The following PCDHAC2 variants were observed in gnomAD, a reference collection of about 807,000 sequenced individuals.
PCDHAC2 encodes the protein protocadherin alpha subfamily C, 2.
In PCDHAC2, 24 loss-of-function variants were observed where a neutral mutation model predicts 63.3. The observed-to-expected ratio is 0.38, with a 90% CI of 0.27 to 0.53. The LOEUF is 0.53. Ranked by LOEUF, PCDHAC2 falls within the 20% of genes least tolerant of loss-of-function variation. The pLI is 0.81. For synonymous variants in PCDHAC2, 569 were observed against 529.4 expected (o/e 1.07, Z -1.03); for missense variants, 1,181 against 1,275.2 (o/e 0.93, Z 1.12).
Position 140,968,796 on chromosome 5 carries a change from C to G in PCDHAC2, c.2030C>G (p.Thr677Arg), listed in dbSNP as rs2096270881. 1 of 1,614,220 alleles carries G rather than the reference C, an allele frequency of 6.2e-7. No individual in the cohort carries two copies. The highest frequency in any genetic ancestry group is 2.2e-5 in the East Asian group (1 of 44,876). The change falls in exon 1 of 4, where the codon ACA becomes AGA. Residue 677 changes from threonine (T) to arginine (R), a missense_variant. Around this residue, in one of 3 missense-constraint regions of PCDHAC2, gnomAD observed 968 missense variants for 1,073.5 expected, o/e 0.90. Coordinates refer to ENST00000289269, the MANE Select transcript of PCDHAC2 (RefSeq NM_018899.6). ...TCACTATCAGCCTCTGTGGCCATTACAGTAGCTGTGGTGGATAGGGTTTCC... is the reference window on the plus strand; with the variant it reads ...TCACTATCAGCCTCTGTGGCCATTAGAGTAGCTGTGGTGGATAGGGTTTCC... ...EPSLSASVAITVAVVDRVSKI... is the reference protein window; with the variant it reads ...EPSLSASVAIRVAVVDRVSKI...
rs1554228593 is a variant in PCDHAC2 at position 140,966,728 on chromosome 5, TCCG to T, written c.-38_-36del. On this transcript the variant is annotated 5_prime_UTR_variant, in exon 1 of 4. Transcript: ENST00000289269. ...GGGCACGGCTGGGGAAGCTGCCGCC[TCCG>T]GCCCTGCCCGGCTGCCTCCGCCGCG... 4 of 1,404,870 alleles carry T rather than the reference TCCG, an allele frequency of 2.8e-6. No individual in the cohort carries two copies. Among genetic ancestry groups the T allele is most frequent in the Non-Finnish European group, 3.7e-6 (4 of 1,086,562 alleles). 87.0% of individuals were successfully genotyped at this position (1,404,870 alleles called of 1,614,324 possible). A position where few individuals can be genotyped will look rare whatever the true frequency, so the allele number is the denominator to read the frequency against.
rs77940063 is a variant in PCDHAC2, at chr5:140,966,638, T to G, written c.-129T>G. Reference sequence around the variant, plus strand: ...ACGGAGGGAGCGGCCCCAGGCGCTTTCTAGAGCGTGAGCGGTGGGGGAGCA... The same window carrying G: ...ACGGAGGGAGCGGCCCCAGGCGCTTGCTAGAGCGTGAGCGGTGGGGGAGCA... On this transcript the variant is annotated 5_prime_UTR_variant, in exon 1 of 4. Transcript: ENST00000289269. The G allele has an allele frequency of 3.9e-3, 4,251 of 1,090,104 alleles. 104 individuals carry two copies. The African/African-American group carries it at 0.057, about 15-fold the overall frequency. 67.5% of individuals were successfully genotyped at this position (1,090,104 alleles called of 1,614,324 possible).
intron 3 of PCDHAC2, among the ~76,000 whole-genome samples, chr5:140,996,747 T>C (rs940274322): frequency 1.3e-5 from 2 of 152,190 alleles, no homozygotes; most frequent in Non-Finnish European, 2.9e-5. Flanking sequence ...TAACAAATTA[T>C]ATCTGTGCAG....
intron 3 of PCDHAC2, among the ~76,000 whole-genome samples, chr5:140,999,867 C>A (rs1269782566): frequency 1.3e-5 from 2 of 152,190 alleles, no homozygotes; most frequent in African/African-American, 4.8e-5. Context: ...TCCAAGATTA[C>A]TGAAAATTAG....
chr5:140,982,324 C>G, intron 2 of PCDHAC2, 151 bp from the exon 3 acceptor site: 2 of 1,393,878 alleles, frequency 1.4e-6, no homozygotes, highest in East Asian at 5.1e-5. Context: ...TGCAGGGTGA[C>G]TGCTCAGCAG....
In PCDHAC2 at chr5:140,987,224, A is replaced by AAT. The variant is rs1554248891; in HGVS notation, c.2713+4662_2713+4663insTA. Among the ~76,000 whole-genome samples, 91 of 152,046 alleles carry AAT rather than the reference A, an allele frequency of 6.0e-4. 1 individual carries two copies. Among genetic ancestry groups the AAT allele is most frequent in the African/African-American group, 2.0e-3 (84 of 41,424 alleles). ...GTGAGACTCCATCTCAAAAAAAAAA[A>AAT]AAATAATAAATAAAGAAAGAAAGAC... On this transcript the variant is annotated intron_variant, in intron 3 of 3. Coordinates refer to ENST00000289269, the MANE Select transcript of PCDHAC2 (RefSeq NM_018899.6).
In PCDHAC2 at chr5:140,966,714, G is replaced by C; in HGVS notation, c.-53G>C. The C allele has an allele frequency of 7.2e-7, 1 of 1,394,064 alleles. No individual in the cohort carries two copies. Among genetic ancestry groups the C allele is most frequent in the South Asian group, 1.6e-5 (1 of 61,530 alleles). The allele number at this position is 1,394,064 out of a possible 1,614,324, so 86.4% of individuals were successfully genotyped here. A position where few individuals can be genotyped will look rare whatever the true frequency, so the allele number is the denominator to read the frequency against. On this transcript the variant is annotated 5_prime_UTR_variant, in exon 1 of 4. Coordinates refer to ENST00000289269, the MANE Select transcript of PCDHAC2 (RefSeq NM_018899.6). ...GGGGCCCGGGCGTGGGGCACGGCTG[G>C]GGAAGCTGCCGCCTCCGGCCCTGCC...
intron 1 of PCDHAC2, among the ~76,000 whole-genome samples, chr5:140,971,488 A>AG (rs1338536132): frequency 1.3e-5 from 2 of 152,222 alleles, no homozygotes; most frequent in African/African-American, 4.8e-5. Flanking sequence ...ACATTGTTAC[A>AG]GTGTGGCAAG....
chr5:140,992,382 G>A (rs1275662967), intron 3 of PCDHAC2, among the ~76,000 whole-genome samples: 3 of 152,140 alleles, frequency 2.0e-5, no homozygotes, highest in Non-Finnish European at 4.4e-5. Flanking sequence ...ACATTATTGT[G>A]TTCTGGACTT....
chr5:140,981,260 T>C (rs975813904), intron 2 of PCDHAC2, among the ~76,000 whole-genome samples: 11 of 152,324 alleles, frequency 7.2e-5, no homozygotes, highest in African/African-American at 2.4e-4. Flanking sequence ...ACTTTCAAGA[T>C]AAGCAAATGT....
At chr5:140,992,332 A>G (rs1554252819) in intron 3 of PCDHAC2, among the ~76,000 whole-genome samples, 1 of 152,202 alleles carries the variant, frequency 6.6e-6, no homozygotes, top group African/African-American at 2.4e-5. Context: ...TCTAAGAGCA[A>G]AGATGGAAAT....
Position 140,967,056 on chromosome 5 carries a change from G to A in PCDHAC2, c.290G>A (p.Gly97Glu). ...TACCTGGAGCTGGACCTGACGAGTG[G>A]AGCGCTCTTCGTCAACGAGCGCATT... ...PRYLELDLTSGALFVNERIDR... is the reference protein window; with the variant it reads ...PRYLELDLTSEALFVNERIDR... The change falls in exon 1 of 4, where the codon GGA becomes GAA. Residue 97 changes from glycine to glutamate, a missense_variant. Coordinates refer to ENST00000289269, the MANE Select transcript of PCDHAC2 (RefSeq NM_018899.6). 1 of 1,612,712 alleles carries A rather than the reference G, an allele frequency of 6.2e-7. No individual in the cohort carries two copies. Among genetic ancestry groups the A allele is most frequent in the Non-Finnish European group, 8.5e-7 (1 of 1,179,686 alleles).
At chr5:140,993,103 G>A (rs2097540365) in intron 3 of PCDHAC2, among the ~76,000 whole-genome samples, 1 of 152,218 alleles carries the variant, frequency 6.6e-6, no homozygotes, top group East Asian at 1.9e-4. Context: ...TTTATTCAGC[G>A]GTCAGTGTCA....
intron 3 of PCDHAC2, among the ~76,000 whole-genome samples, chr5:140,991,068 T>A (rs1563570560): frequency 6.6e-6 from 1 of 152,216 alleles, no homozygotes; most frequent in Admixed American, 6.5e-5. Flanking sequence ...ATTATTCCCA[T>A]GTTTCAGATA....
Position 140,968,770 on chromosome 5 carries a change from A to G in PCDHAC2, c.2004A>G (p.Pro668=). Reference sequence around the variant, plus strand: ...TGGTGGTCCGAGATAATGGAGAGCCATCACTATCAGCCTCTGTGGCCATTA... The same window carrying G: ...TGGTGGTCCGAGATAATGGAGAGCCGTCACTATCAGCCTCTGTGGCCATTA... ...LTVVVRDNGE[P]SLSASVAITV... is the part of the protein sequence containing the mutation. Residue 668 remains proline (P), a synonymous_variant, in exon 1 of 4, where the codon CCA becomes CCG. Coordinates refer to ENST00000289269, the MANE Select transcript of PCDHAC2 (RefSeq NM_018899.6). 1.2e-6 allele frequency: 2 copies of G among 1,614,216 alleles called. No homozygotes were observed. The highest frequency in any genetic ancestry group is 1.7e-6 in the Non-Finnish European group (2 of 1,180,046).
intron 3 of PCDHAC2, among the ~76,000 whole-genome samples, chr5:140,992,504 C>T (rs2097516189): frequency 6.6e-6 from 1 of 152,174 alleles, no homozygotes; most frequent in African/African-American, 2.4e-5. Context: ...GGATTCAATC[C>T]TGGGGCATGG....
At chr5:141,002,232 A>G (rs2098067070) in intron 3 of PCDHAC2, among the ~76,000 whole-genome samples, 2 of 152,226 alleles carry the variant, frequency 1.3e-5, no homozygotes, top group African/African-American at 4.8e-5. Flanking sequence ...GTTTTCTGGA[A>G]GCTCTTTATT....
intron 3 of PCDHAC2, among the ~76,000 whole-genome samples, chr5:140,991,118 A>T (rs2153893669): frequency 6.6e-6 from 1 of 152,340 alleles, no homozygotes; most frequent in South Asian, 2.1e-4. Context: ...GCTTTCTTAC[A>T]TTCACACAGC....
In PCDHAC2 at chr5:140,968,374, C is replaced by T. The variant is rs782537254; in HGVS notation, c.1608C>T (p.Ser536=). Residue 536 remains serine, a synonymous_variant, in exon 1 of 4, where the codon TCC becomes TCT. Coordinates refer to ENST00000289269, the MANE Select transcript of PCDHAC2 (RefSeq NM_018899.6). ...SASGSLYAVN[S]FDYEKFREFF... is the part of the protein sequence containing the mutation. ...GTGGCAGCCTTTATGCTGTCAACTC[C>T]TTTGACTATGAGAAGTTTCGGGAGT... is the stretch of plus-strand genomic sequence containing the variant. 5.0e-6 allele frequency: 8 copies of T among 1,614,064 alleles called. No homozygotes were observed. The Admixed American group carries it at 1.0e-4, about 20-fold the overall frequency.
Sources: allele counts gnomAD v4.1 joint callset (sites outside exome capture counted in the v4.1 genomes callset), GRCh38; gene constraint gnomAD v4.1.1; regional missense constraint gnomAD v4.1.1; transcripts MANE v1.5; gene names NCBI Gene and HGNC (gene_info 2026-07-23, HGNC 2026-07-21).